USP15: variants seen among roughly 807,000 people sequenced by gnomAD.
USP15 encodes ubiquitin specific peptidase 15, also known as ubiquitin carboxyl-terminal hydrolase 15.
A neutral mutation model predicts 127.1 loss-of-function variants in USP15; 18 were observed. The ratio of observed to expected loss-of-function variants is 0.14; its 90% CI spans 0.10 to 0.21. The LOEUF is 0.21. Among genes scored for constraint, USP15 ranks in the 10% least tolerant of loss-of-function variants. USP15 has a pLI of 1.00. For synonymous variants in USP15, 364 were observed against 393.7 expected, an observed-to-expected ratio of 0.92 and a Z score of 0.89; for missense variants, 805 against 1,159.9, an observed-to-expected ratio of 0.69 and a Z score of 4.44.
At chr12:62,303,811 A>G (rs2064395823) in intron 3 of USP15, among the ~76,000 whole-genome samples, 1 of 152,150 alleles carries the variant, frequency 6.6e-6, no homozygotes, top group Non-Finnish European at 1.5e-5. Flanking sequence ...TAGATCTTGA[A>G]TGTACCTTTT....
At chr12:62,319,792 G>C (rs889217277) in intron 4 of USP15, among the ~76,000 whole-genome samples, 19 of 152,174 alleles carry the variant, frequency 1.2e-4, no homozygotes, top group African/African-American at 4.3e-4. Context: ...ATATCAGAAT[G>C]TCAACAGTGG....
chr12:62,304,760 A>T (rs978575300), intron 3 of USP15: 1 of 453,252 alleles, frequency 2.2e-6, no homozygotes, highest in Non-Finnish European at 4.4e-6. Flanking sequence ...ACAGCAGACA[A>T]TAGAAACAGA....
intron 6 of USP15, among the ~76,000 whole-genome samples, chr12:62,326,435 TCC>T (rs2065127485): frequency 6.6e-6 from 1 of 152,148 alleles, no homozygotes; most frequent in Non-Finnish European, 1.5e-5. Flanking sequence ...AGATCTACAC[TCC>T]ATTATCAAAA....
rs1404357758 is a variant in USP15, at chr12:62,294,172, T to A, written c.90-7T>A. 1 of 1,609,710 alleles carries A rather than the reference T, an allele frequency of 6.2e-7. No homozygotes were observed. Among genetic ancestry groups the A allele is most frequent in the Admixed American group, 1.7e-5 (1 of 58,518 alleles). ...ATTTTCCTTAACCAATTTCTTTTAT[T>A]TTTTAGGTACCTAGTCGATAGTCGC... On this transcript the variant is annotated splice_polypyrimidine_tract_variant and splice_region_variant and intron_variant, in intron 1 of 21. Coordinates refer to ENST00000280377, the MANE Select transcript of USP15 (RefSeq NM_001252078.2).
chr12:62,314,384 A>G (rs1185886023), intron 3 of USP15, among the ~76,000 whole-genome samples: 13 of 151,892 alleles, frequency 8.6e-5, no homozygotes, highest in East Asian at 3.8e-4. Flanking sequence ...TGTATCTTCA[A>G]TCAGAACTCT....
intron 6 of USP15, among the ~76,000 whole-genome samples, chr12:62,346,511 A>G (rs2137408416): frequency 1.3e-5 from 2 of 152,332 alleles, no homozygotes; most frequent in East Asian, 3.9e-4. Flanking sequence ...GATGACCCCC[A>G]GGATCCATGG....
chr12:62,385,485 A>G (rs182978875), intron 11 of USP15, among the ~76,000 whole-genome samples: 247 of 152,128 alleles, frequency 1.6e-3, no homozygotes, highest in Non-Finnish European at 2.8e-3. Flanking sequence ...AGTAGATACT[A>G]GGTATGTACT....
chr12:62,383,771 C>A, intron 9 of USP15, 69 bp from the exon 10 acceptor site: 1 of 1,474,016 alleles, frequency 6.8e-7, no homozygotes, highest in South Asian at 1.4e-5. Context: ...TAATGAGAAT[C>A]TATTGTACAT....
intron 6 of USP15, chr12:62,336,025 T>C: frequency 1.5e-5 from 15 of 984,566 alleles, no homozygotes; most frequent in East Asian, 1.1e-4. Flanking sequence ...TCATATGTAG[T>C]CTATGTGATA....
intron 20 of USP15, among the ~76,000 whole-genome samples, chr12:62,398,037 G>A (rs2067552163): frequency 6.6e-6 from 1 of 150,776 alleles, no homozygotes; most frequent in Admixed American, 6.6e-5. Flanking sequence ...CTGTCACCAG[G>A]CTGGAGTGCA....
chr12:62,386,755 T>C (rs150606992), intron 11 of USP15, among the ~76,000 whole-genome samples: 1 of 152,074 alleles, frequency 6.6e-6, no homozygotes, highest in East Asian at 1.9e-4. Context: ...TAAAGACTAT[T>C]AAGTATAGAT....
intron 6 of USP15, 64 bp downstream of exon 6, chr12:62,325,997 A>G: frequency 1.4e-6 from 2 of 1,384,534 alleles, no homozygotes; most frequent in Non-Finnish European, 2.0e-6. Context: ...TAGATAATCA[A>G]ATCCACAATG....
chr12:62,327,946 AATTTACT>A (rs140082842), intron 6 of USP15, among the ~76,000 whole-genome samples: 15,636 of 152,146 alleles, frequency 0.1, 823 homozygotes, highest in Middle Eastern at 0.16. Context: ...GCCAAATAAT[AATTTACT>A]GTAATACAGA....
intron 21 of USP15, among the ~76,000 whole-genome samples, chr12:62,402,230 A>G (rs531812118): frequency 6.0e-4 from 91 of 152,072 alleles, no homozygotes; most frequent in African/African-American, 2.2e-3. Context: ...TAGTCAACAA[A>G]TTGAATATGA....
rs999576337 is a variant in USP15 at position 62,260,452 on chromosome 12, G to A, written c.38G>A (p.Arg13Gln). Residue 13 changes from arginine (R) to glutamine (Q), a missense_variant, in exon 1 of 22, where the codon CGG becomes CAG. By Grantham distance (43) the Arg-to-Gln change is conservative. This residue lies in a region of USP15 where 45 missense variants were observed against 37.8 expected (regional missense o/e 1.19). Transcript: ENST00000280377. ...GGAGCGGCGGATCTGGACACCCAGC[G>A]GTCTGACATCGCGACGCTGCTCAAA... is the stretch of plus-strand genomic sequence containing the variant. ...EGGAADLDTQ[R>Q]SDIATLLKTS... The A allele has an allele frequency of 1.3e-6, 2 of 1,552,160 alleles. No homozygotes were observed. Among genetic ancestry groups the A allele is most frequent in the East Asian group, 2.4e-5 (1 of 41,024 alleles).
In USP15 at chr12:62,391,274, G is replaced by T; in HGVS notation, c.2078G>T (p.Gly693Val). The T allele has an allele frequency of 6.2e-7, 1 of 1,613,484 alleles. No individual in the cohort carries two copies. Among genetic ancestry groups the T allele is most frequent in the Non-Finnish European group, 8.5e-7 (1 of 1,179,714 alleles). Residue 693 changes from glycine (G) to valine (V), a missense_variant, in exon 16 of 22, where the codon GGA becomes GTA. This residue lies in a region of USP15 where 225 missense variants were observed against 239.5 expected (regional missense o/e 0.94). Coordinates refer to ENST00000280377, the MANE Select transcript of USP15 (RefSeq NM_001252078.2). The stretch of plus-strand genomic sequence containing the variant: ...GGAGGAGATAATGATTCTGAAAATG[G>T]ATTATGTACTGAGGATACTTGCAAA... Reference protein sequence around the residue: ...SVGGDNDSENGLCTEDTCKGQ... With the variant: ...SVGGDNDSENVLCTEDTCKGQ...
intron 8 of USP15, among the ~76,000 whole-genome samples, chr12:62,370,039 A>G (rs980620906): frequency 1.3e-5 from 2 of 152,216 alleles, no homozygotes; most frequent in Middle Eastern, 3.4e-3. Context: ...CAGTAGCGCA[A>G]TCTCAGCTTA....
At chr12:62,336,097 C>G in intron 6 of USP15, 1 of 985,412 alleles carries the variant, frequency 1.0e-6, no homozygotes. Flanking sequence ...CTACTCAGAC[C>G]TTAAATGCAT....
intron 3 of USP15, chr12:62,303,159 G>T: frequency 3.5e-6 from 1 of 287,960 alleles, no homozygotes. Context: ...AACTCTGTAA[G>T]GTAAGTAGTA....
Sources: gnomAD v4.1 joint callset for allele counts (sites outside exome capture counted in the v4.1 genomes callset) on GRCh38, gnomAD v4.1.1 for gene constraint, gnomAD v4.1.1 regional missense constraint, MANE v1.5 for transcripts, NCBI Gene and HGNC (gene_info 2026-07-23, HGNC 2026-07-21) for gene names.